CAB39: variants seen among roughly 807,000 people sequenced by gnomAD.
The protein encoded by CAB39 is calcium binding protein 39, also known as calcium-binding protein 39.
In CAB39, 8 loss-of-function variants were observed where a neutral mutation model predicts 40.0. The observed-to-expected ratio is 0.20, with a 90% confidence interval of 0.12 to 0.36. The LOEUF (loss-of-function observed/expected upper bound fraction) is 0.36, where lower values mean the gene tolerates loss of function less well. CAB39 is among the 10% of genes least tolerant of loss of function. CAB39 has a pLI of 1.00. For synonymous variants in CAB39, 156 were observed against 141.6 expected (o/e 1.10, Z -0.72); for missense variants, 270 against 401.1 (o/e 0.67, Z 2.79).
chr2:230,811,345 T>TAAGAACATAACACA (rs1475251706), intron 6 of CAB39, among the ~76,000 whole-genome samples: 10 of 152,192 alleles, frequency 6.6e-5, no homozygotes, highest in Non-Finnish European at 1.5e-4. Context: ...CCACTCCCAG[T>TAAGAACATAACACA]AAGAACATAA....
intron 1 of CAB39, among the ~76,000 whole-genome samples, chr2:230,723,807 A>G (rs1694500502): frequency 6.6e-6 from 1 of 152,184 alleles, no homozygotes; most frequent in Admixed American, 6.5e-5. Flanking sequence ...GCTACTTCAT[A>G]TATTAATGTC....
chr2:230,755,096 C>T (rs973888466), intron 1 of CAB39, among the ~76,000 whole-genome samples: 4 of 152,078 alleles, frequency 2.6e-5, no homozygotes, highest in African/African-American at 7.2e-5. Context: ...TTTCTTTATC[C>T]ACTCGTTGAT....
intron 2 of CAB39, among the ~76,000 whole-genome samples, chr2:230,761,778 C>T (rs2124921200): frequency 6.6e-6 from 1 of 152,120 alleles, no homozygotes; most frequent in South Asian, 2.1e-4. Context: ...TTCTAATGCC[C>T]TTTGGACTGG....
At chr2:230,755,465 C>T (rs1207297990) in intron 1 of CAB39, among the ~76,000 whole-genome samples, 1 of 152,068 alleles carries the variant, frequency 6.6e-6, no homozygotes, top group Non-Finnish European at 1.5e-5. Flanking sequence ...TGTTTATGTC[C>T]TTAGCCCACT....
intron 4 of CAB39, among the ~76,000 whole-genome samples, chr2:230,796,278 G>A (rs73094727): frequency 0.013 from 1,904 of 152,182 alleles, 42 homozygotes; most frequent in African/African-American, 0.044. Context: ...ATTTATTTGC[G>A]GGGCCATGCT....
Position 230,760,067 on chromosome 2 carries a change from C to T in CAB39, c.66C>T (p.Ser22=). 1 of 1,613,584 alleles carries T rather than the reference C, an allele frequency of 6.2e-7. No homozygotes were observed. The highest frequency in any genetic ancestry group is 8.5e-7 in the Non-Finnish European group (1 of 1,179,556). The change falls in exon 2 of 9, where the codon AGC becomes AGT. Residue 22 remains serine (S), a synonymous_variant. Coordinates refer to ENST00000258418, the MANE Select transcript of CAB39 (RefSeq NM_016289.4). ...ACATTGTGAAGAATCTGAAGGAGAG[C>T]ATGGCTGTTCTGGAAAAGCAAGACA... The part of the protein sequence containing the change: ...PADIVKNLKE[S]MAVLEKQDIS...
chr2:230,758,889 G>GT (rs1695241281), intron 1 of CAB39, among the ~76,000 whole-genome samples: 1 of 152,142 alleles, frequency 6.6e-6, no homozygotes, highest in Admixed American at 6.5e-5. Flanking sequence ...ACTACTTCTA[G>GT]TTTTTTTACT....
At chr2:230,759,925 T>A in intron 1 of CAB39, 34 bp from the exon 2 acceptor site, 4 of 710,590 alleles carry the variant, frequency 5.6e-6, no homozygotes. Context: ...TTGATCCCAG[T>A]GTTTGCTCAC....
chr2:230,783,578 C>T (rs1486189178), intron 2 of CAB39, among the ~76,000 whole-genome samples: 1 of 151,092 alleles, frequency 6.6e-6, no homozygotes, highest in South Asian at 2.1e-4. Flanking sequence ...CACCACTCCC[C>T]ACCCCCACCC....
chr2:230,776,678 T>A (rs1695592537), intron 2 of CAB39, among the ~76,000 whole-genome samples: 1 of 145,192 alleles, frequency 6.9e-6, no homozygotes, highest in Non-Finnish European at 1.5e-5. Context: ...GTGCTCTGTC[T>A]CACTTCATCC....
chr2:230,772,687 G>A (rs1264455706), intron 2 of CAB39, among the ~76,000 whole-genome samples: 4 of 151,870 alleles, frequency 2.6e-5, no homozygotes, highest in East Asian at 1.9e-4. Context: ...GGGTTTCACC[G>A]TGTTAGCCAG....
At chr2:230,762,776 A>G (rs1282114581) in intron 2 of CAB39, among the ~76,000 whole-genome samples, 1 of 152,244 alleles carries the variant, frequency 6.6e-6, no homozygotes, top group Non-Finnish European at 1.5e-5. Context: ...CACTGGGGAT[A>G]TAATACTCAA....
intron 5 of CAB39, among the ~76,000 whole-genome samples, chr2:230,805,078 T>G (rs1037021518): frequency 2.1e-4 from 32 of 152,082 alleles, no homozygotes; most frequent in African/African-American, 7.7e-4. Flanking sequence ...TAAAAAAGGA[T>G]GCATTCGTGT....
chr2:230,714,372 A>G (rs1694311865), intron 1 of CAB39, among the ~76,000 whole-genome samples: 1 of 152,200 alleles, frequency 6.6e-6, no homozygotes. Flanking sequence ...ATCGATTTTG[A>G]CAGCTTCCCA....
intron 2 of CAB39, chr2:230,779,413 C>T (rs576327379): frequency 1.1e-4 from 17 of 152,440 alleles, no homozygotes; most frequent in African/African-American, 3.4e-4. Context: ...CCCTCCCAGA[C>T]GAGTCAGCAG....
chr2:230,760,636 C>CT lies in CAB39; in HGVS notation c.114+523dup, dbSNP rs148775659. Reference sequence around the variant, plus strand: ...AGTTACCTGATTCTTGAAATCGGTTCTTCCCCCACAATCTTCCTGGGAGGA... The same window carrying CT: ...AGTTACCTGATTCTTGAAATCGGTTCTTTCCCCCACAATCTTCCTGGGAGGA... On this transcript the variant is annotated intron_variant, in intron 2 of 8. Coordinates refer to ENST00000258418, the MANE Select transcript of CAB39 (RefSeq NM_016289.4). Among the ~76,000 whole-genome samples, 612 of 152,334 alleles carry CT rather than the reference C, an allele frequency of 4.0e-3. 1 individual carries two copies. Among genetic ancestry groups the CT allele is most frequent in the African/African-American group, 0.014 (562 of 41,582 alleles).
intron 1 of CAB39, among the ~76,000 whole-genome samples, chr2:230,740,055 A>G (rs1386090788): frequency 1.3e-5 from 2 of 152,244 alleles, no homozygotes; most frequent in African/African-American, 4.8e-5. Flanking sequence ...AATTTTACAT[A>G]GTAAGTATAA....
intron 2 of CAB39, among the ~76,000 whole-genome samples, chr2:230,774,321 G>A (rs555084804): frequency 4.5e-4 from 69 of 151,924 alleles, no homozygotes; most frequent in Non-Finnish European, 7.4e-4. Flanking sequence ...GTTTTATATG[G>A]TACATAGTTA....
rs199566024 is a variant in CAB39, at chr2:230,775,158, C to CA, written c.114+15051dup. ...GTTAAAGATTGGGTTTAAAGAAACT[C>CA]AAAAAAAACAAAAAATAATAATTTA... On this transcript the variant is annotated intron_variant, in intron 2 of 8. Coordinates refer to ENST00000258418, the MANE Select transcript of CAB39 (RefSeq NM_016289.4). Among the ~76,000 whole-genome samples, 1,103 of 149,034 alleles carry CA rather than the reference C, an allele frequency of 7.4e-3. 9 individuals carry two copies. The highest frequency in any genetic ancestry group is 0.025 in the African/African-American group (1,020 of 40,654).
Sources: gnomAD v4.1 joint callset for allele counts (sites outside exome capture counted in the v4.1 genomes callset) on GRCh38, gnomAD v4.1.1 for gene constraint, MANE v1.5 for transcripts, NCBI Gene and HGNC (gene_info 2026-07-23, HGNC 2026-07-21) for gene names.